The following CCNT2 variants were observed in gnomAD, a reference collection of about 807,000 sequenced individuals.
The protein encoded by CCNT2 is cyclin T2, also known as cyclin-T2.
A neutral mutation model predicts 70.0 loss-of-function variants in CCNT2; 18 were observed. The observed-to-expected ratio is 0.26, with a 90% confidence interval of 0.18 to 0.38. The LOEUF (loss-of-function observed/expected upper bound fraction) is 0.38, where lower values mean the gene tolerates loss of function less well. Among genes scored for constraint, CCNT2 ranks in the 10% least tolerant of loss-of-function variants. CCNT2 has a pLI of 1.00. For synonymous variants in CCNT2, 334 were observed against 313.3 expected, an observed-to-expected ratio of 1.07 and a Z score of -0.70; for missense variants, 734 against 890.2, an observed-to-expected ratio of 0.82 and a Z score of 2.23.
rs778826009 is a variant in CCNT2, at chr2:134,947,816, C to T, written c.620C>T (p.Ser207Phe). ...CVCIHLACKWSNWEIPVSTDG... is the reference protein window; with the variant it reads ...CVCIHLACKWFNWEIPVSTDG... ...TGCATTCATTTGGCTTGCAAATGGT[C>T]CAATTGGGAGATCCCTGTATCAACT... Residue 207 changes from serine (S) to phenylalanine (F), a missense_variant, in exon 7 of 9, where the codon TCC becomes TTC. Ser to Phe is a radical substitution (Grantham distance 155). Transcript: ENST00000264157. 2 of 1,561,474 alleles carry T rather than the reference C, an allele frequency of 1.3e-6. No homozygotes were observed. The highest frequency in any genetic ancestry group is 1.8e-6 in the Non-Finnish European group (2 of 1,142,762).
At position 134,942,683 on chromosome 2, in the gene CCNT2, T is replaced by A; in HGVS notation, c.493+9T>A. On this transcript the variant is annotated intron_variant, in intron 5 of 8. Coordinates refer to ENST00000264157, the MANE Select transcript of CCNT2 (RefSeq NM_058241.3). ...TACCCAGTTAGTAAGAGGTAGGTGA[T>A]CCTTGAAACTTTTAAGATAAGTATT... The A allele has an allele frequency of 7.5e-6, 12 of 1,602,230 alleles. No individual in the cohort carries two copies. The highest frequency in any genetic ancestry group is 1.0e-5 in the Non-Finnish European group (12 of 1,173,300).
At chr2:134,926,893 A>C (rs1046649469) in intron 2 of CCNT2, among the ~76,000 whole-genome samples, 2 of 152,202 alleles carry the variant, frequency 1.3e-5, no homozygotes. Context: ...AGAATTCTTC[A>C]GGTAAATCAC....
chr2:134,954,938 T>C lies in CCNT2; in HGVS notation c.*290T>C. 1 of 301,862 alleles carries C rather than the reference T, an allele frequency of 3.3e-6. No homozygotes were observed. The highest frequency in any genetic ancestry group is 5.8e-5 in the East Asian group (1 of 17,230). 18.7% of individuals were successfully genotyped at this position (301,862 alleles called of 1,614,324 possible). ...ATGAATGGCTGGCTGCTTCTAGGAA[T>C]ATAAGATGCCTCAAGCATTCATTAT... On this transcript the variant is annotated 3_prime_UTR_variant, in exon 9 of 9. Transcript: ENST00000264157.
At chr2:134,926,699 G>T (rs1680325966) in intron 2 of CCNT2, among the ~76,000 whole-genome samples, 2 of 152,140 alleles carry the variant, frequency 1.3e-5, no homozygotes, top group Admixed American at 1.3e-4. Flanking sequence ...TTTGCATCTT[G>T]TTGCACTGTG....
At chr2:134,940,265 C>A (rs564565055) in intron 4 of CCNT2, among the ~76,000 whole-genome samples, 1 of 152,048 alleles carries the variant, frequency 6.6e-6, no homozygotes, top group South Asian at 2.1e-4. Context: ...CATGGGTCTA[C>A]ATGGATTTTT....
At position 134,957,110 on chromosome 2, in the gene CCNT2, A is replaced by C. The variant is rs941832730; in HGVS notation, c.*2462A>C. The C allele has an allele frequency of 2.0e-5, 3 of 152,466 alleles. No individual in the cohort carries two copies. The highest frequency in any genetic ancestry group is 7.2e-5 in the African/African-American group (3 of 41,456). The allele number at this position is 152,466 out of a possible 1,614,324, so 9.4% of individuals were successfully genotyped here. A position where few individuals can be genotyped will look rare whatever the true frequency, so the allele number is the denominator to read the frequency against. ...GGGGATAAATATGGAAATCCTTTTT[A>C]AGTTGTATTTCCATTAAACAAAAAC... On this transcript the variant is annotated 3_prime_UTR_variant, in exon 9 of 9. Coordinates refer to ENST00000264157, the MANE Select transcript of CCNT2 (RefSeq NM_058241.3).
rs577715058 is a variant in CCNT2 at position 134,958,722 on chromosome 2, C to G, written c.*4074C>G. 4 of 152,300 alleles carry G rather than the reference C, an allele frequency of 2.6e-5. No individual in the cohort carries two copies. The highest frequency in any genetic ancestry group is 9.6e-5 in the African/African-American group (4 of 41,562). 9.4% of individuals were successfully genotyped at this position (152,300 alleles called of 1,614,324 possible). A position where few individuals can be genotyped will look rare whatever the true frequency, so the allele number is the denominator to read the frequency against. On this transcript the variant is annotated 3_prime_UTR_variant, in exon 9 of 9. Transcript: ENST00000264157. ...TTTGTAATACATTTTGCCAGTGGGA[C>G]TGAAAAGCTCAAAATGTTTTAGACC...
intron 7 of CCNT2, among the ~76,000 whole-genome samples, chr2:134,949,414 T>A (rs2105079392): frequency 6.6e-6 from 1 of 152,322 alleles, no homozygotes; most frequent in East Asian, 1.9e-4. Flanking sequence ...TGTAACTGAT[T>A]GGGTGTGACT....
intron 6 of CCNT2, among the ~76,000 whole-genome samples, chr2:134,947,207 A>T (rs910911610): frequency 6.6e-6 from 1 of 152,216 alleles, no homozygotes; most frequent in African/African-American, 2.4e-5. Context: ...CTTTGCTGAA[A>T]AACAAGGCAT....
Position 134,954,600 on chromosome 2 carries a change from A to T in CCNT2, c.2145A>T (p.Thr715=), listed in dbSNP as rs755143305. Residue 715 remains threonine, a synonymous_variant, in exon 9 of 9, where the codon ACA becomes ACT. Coordinates refer to ENST00000264157, the MANE Select transcript of CCNT2 (RefSeq NM_058241.3). ...GCCAGCATATGGACTACAAAGACAC[A>T]TTCGACATGCTGGACTCACTGTTAA... The part of the protein sequence containing the change: ...TSSQHMDYKD[T]FDMLDSLLSA... 1.9e-6 allele frequency: 3 copies of T among 1,613,894 alleles called. No individual in the cohort carries two copies. Among genetic ancestry groups the T allele is most frequent in the South Asian group, 2.2e-5 (2 of 91,086 alleles).
Position 134,918,919 on chromosome 2 carries a change from C to T in CCNT2, c.65C>T (p.Pro22Leu). ...FFTREQLENT[P>L]SRRCGVEADK... The stretch of plus-strand genomic sequence containing the variant: ...ACTCGGGAACAGCTGGAGAACACGC[C>T]GAGCCGCCGCTGCGGAGTGGAGGCG... Residue 22 changes from proline to leucine, a missense_variant, in exon 1 of 9, where the codon CCG (proline) becomes CTG (leucine). By Grantham distance (98) the Pro-to-Leu change is moderately conservative. Transcript: ENST00000264157. 1.2e-6 allele frequency: 2 copies of T among 1,614,020 alleles called. No homozygotes were observed. The highest frequency in any genetic ancestry group is 1.7e-6 in the Non-Finnish European group (2 of 1,179,936).
At chr2:134,938,462 C>T (rs1243551387) in intron 3 of CCNT2, among the ~76,000 whole-genome samples, 2 of 152,080 alleles carry the variant, frequency 1.3e-5, no homozygotes. Context: ...TAAGGAGGTT[C>T]TCTGGTATTT....
At chr2:134,919,086 A>G (rs2104999351) in intron 1 of CCNT2, 74 bp downstream of exon 1, 4 of 1,485,538 alleles carry the variant, frequency 2.7e-6, no homozygotes, top group Non-Finnish European at 9.0e-7. Context: ...CCCCGCGAAC[A>G]TGGCGCCGCC....
chr2:134,954,738 C>A lies in CCNT2; in HGVS notation c.*90C>A. ...CCTTCTGATCTAGCAGTGGTAACCC[C>A]TGCTGTTGCTGCCACTGCTTCAATA... On this transcript the variant is annotated 3_prime_UTR_variant, in exon 9 of 9. Coordinates refer to ENST00000264157, the MANE Select transcript of CCNT2 (RefSeq NM_058241.3). The A allele has an allele frequency of 1.4e-6, 1 of 733,876 alleles. No individual in the cohort carries two copies. The highest frequency in any genetic ancestry group is 2.6e-5 in the East Asian group (1 of 38,654). The allele number at this position is 733,876 out of a possible 1,614,324, so 45.5% of individuals were successfully genotyped here.
intron 2 of CCNT2, among the ~76,000 whole-genome samples, chr2:134,933,066 A>G (rs1449682461): frequency 1.3e-5 from 2 of 152,184 alleles, no homozygotes; most frequent in African/African-American, 2.4e-5. Flanking sequence ...AATGGGAGAA[A>G]TGGCATCACT....
At chr2:134,943,716 A>C in intron 5 of CCNT2, 2 of 985,172 alleles carry the variant, frequency 2.0e-6, no homozygotes, top group Middle Eastern at 5.2e-4. Context: ...TTTTTTACAC[A>C]GTTGCATGTT....
chr2:134,925,653 T>C (rs1680242158), intron 2 of CCNT2, among the ~76,000 whole-genome samples: 1 of 152,018 alleles, frequency 6.6e-6, no homozygotes, highest in African/African-American at 2.4e-5. Context: ...CTAGACCACA[T>C]TATATATATA....
At chr2:134,924,927 T>G (rs1680175257) in intron 2 of CCNT2, among the ~76,000 whole-genome samples, 1 of 152,160 alleles carries the variant, frequency 6.6e-6, no homozygotes. Context: ...GACCCTAGAG[T>G]GTGTGACCTG....
chr2:134,948,151 A>C (rs1682135361), intron 7 of CCNT2, among the ~76,000 whole-genome samples: 2 of 151,956 alleles, frequency 1.3e-5, no homozygotes, highest in South Asian at 4.2e-4. Context: ...CCCTGTCTCT[A>C]CAAAAAAAAA....
Sources: gnomAD v4.1 joint callset for allele counts (sites outside exome capture counted in the v4.1 genomes callset) on GRCh38, gnomAD v4.1.1 for gene constraint, MANE v1.5 for transcripts, NCBI Gene and HGNC (gene_info 2026-07-23, HGNC 2026-07-21) for gene names.